Variants in SAMD5 observed in about 807,000 individuals in gnomAD.
SAMD5 encodes sterile alpha motif domain containing 5.
In SAMD5, 13 loss-of-function variants were observed where a neutral mutation model predicts 11.3. That is an observed-to-expected ratio of 1.15 (90% CI 0.75 to 1.83). SAMD5 has a LOEUF of 1.83. SAMD5 is among the 40% of genes most tolerant of loss of function. The pLI is 0.00. For synonymous variants in SAMD5, 129 were observed against 111.3 expected (o/e 1.16, Z -1.00); for missense variants, 255 against 239.1 (o/e 1.07, Z -0.44).
At chr6:147,551,209 C>T (rs35130572) in intron 1 of SAMD5, among the ~76,000 whole-genome samples, 1 of 152,160 alleles carries the variant, frequency 6.6e-6, no homozygotes. Context: ...CTCATAGTGT[C>T]TAGGCTCTGT....
chr6:147,628,785 C>T (rs1790096684), intron 1 of SAMD5, among the ~76,000 whole-genome samples: 1 of 152,150 alleles, frequency 6.6e-6, no homozygotes, highest in Admixed American at 6.5e-5. Flanking sequence ...TCATCATTCT[C>T]TGTGGAGAAC....
chr6:147,691,995 C>CACACA lies in SAMD5; in HGVS notation c.163-45322_163-45321insACACA, dbSNP rs34208483. Reference sequence around the variant, plus strand: ...ATGTGACACACACACACACACACACCCCCCTGATTGAGTGCCAGGTACTAA... The same window carrying CACACA: ...ATGTGACACACACACACACACACACCACACACCCCTGATTGAGTGCCAGGTACTAA... On this transcript the variant is annotated intron_variant, in intron 1 of 1. Coordinates refer to the SAMD5 transcript ENST00000566741. Among the ~76,000 whole-genome samples the CACACA allele has an allele frequency of 4.7e-3, 698 of 148,868 alleles. 2 individuals carry two copies. The highest frequency in any genetic ancestry group is 0.017 in the African/African-American group (665 of 40,084).
intron 1 of SAMD5, among the ~76,000 whole-genome samples, chr6:147,537,237 C>G (rs1268890072): frequency 6.6e-6 from 1 of 152,120 alleles, no homozygotes; most frequent in Non-Finnish European, 1.5e-5. Flanking sequence ...ACAATGCTTT[C>G]TGTTTGATTT....
the SAMD5 span, among the ~76,000 whole-genome samples, chr6:147,770,274 A>G: frequency 7.3e-4 from 111 of 152,282 alleles, 1 homozygote; most frequent in South Asian, 5.8e-3. Flanking sequence ...AAAAAAATCT[A>G]GTGTCGATTT....
the SAMD5 span, among the ~76,000 whole-genome samples, chr6:147,860,602 C>A: frequency 2.6e-5 from 4 of 152,172 alleles, no homozygotes; most frequent in Admixed American, 2.6e-4. Flanking sequence ...CCAGCAAGAG[C>A]CTTAGGAGCT....
the SAMD5 span, among the ~76,000 whole-genome samples, chr6:147,832,929 T>C: frequency 2.0e-5 from 3 of 152,268 alleles, no homozygotes; most frequent in African/African-American, 7.2e-5. Flanking sequence ...TCTCAGATAA[T>C]GTTCTCTTGA....
At chr6:147,522,799 A>G (rs618181) in intron 1 of SAMD5, among the ~76,000 whole-genome samples, 64,187 of 152,022 alleles carry the variant, frequency 0.42, 14,526 homozygotes, top group African/African-American at 0.59. Flanking sequence ...ATGAGGCAGC[A>G]ATAGAAGTGG....
At chr6:147,663,304 T>A (rs763714540) in intron 1 of SAMD5, among the ~76,000 whole-genome samples, 70 of 151,942 alleles carry the variant, frequency 4.6e-4, no homozygotes, top group Admixed American at 1.6e-3. Context: ...ACTAACACAC[T>A]CTGAGGCCTT....
At chr6:147,937,808 C>A in the SAMD5 span, among the ~76,000 whole-genome samples, 1 of 151,968 alleles carries the variant, frequency 6.6e-6, no homozygotes, top group Admixed American at 6.6e-5. Context: ...TGTCATATAT[C>A]TTTTTTTTAA....
the SAMD5 span, among the ~76,000 whole-genome samples, chr6:147,858,007 G>A: frequency 6.6e-6 from 1 of 152,076 alleles, no homozygotes; most frequent in African/African-American, 2.4e-5. Context: ...ATATGCCTAG[G>A]GCAAACTTTT....
At chr6:147,741,115 G>T (rs1350568622), downstream of SAMD5, among the ~76,000 whole-genome samples, 1 of 152,240 alleles carries the variant, frequency 6.6e-6, no homozygotes, top group East Asian at 1.9e-4. Flanking sequence ...CATGGGTTGG[G>T]TCAAAGTCCT....
the SAMD5 span, among the ~76,000 whole-genome samples, chr6:147,877,919 C>CTAGATAGA: frequency 3.7e-4 from 39 of 106,428 alleles, 1 homozygote; most frequent in East Asian, 5.1e-3. Flanking sequence ...AGCTAGCTAG[C>CTAGATAGA]TAGCTAGATA....
intron 1 of SAMD5, among the ~76,000 whole-genome samples, chr6:147,690,554 C>A (rs1433594747): frequency 1.3e-5 from 2 of 152,174 alleles, no homozygotes; most frequent in East Asian, 3.9e-4. Context: ...GAGGCAGAGG[C>A]ACGAGAATCA....
intron 1 of SAMD5, among the ~76,000 whole-genome samples, chr6:147,668,583 C>T (rs756303648): frequency 4.1e-4 from 63 of 152,190 alleles, no homozygotes; most frequent in Non-Finnish European, 6.6e-4. Flanking sequence ...GTGGCTCACA[C>T]CTGTAATCCC....
chr6:147,853,712 G>T, the SAMD5 span, among the ~76,000 whole-genome samples: 1 of 151,024 alleles, frequency 6.6e-6, no homozygotes, highest in Non-Finnish European at 1.5e-5. Context: ...ACTTTGCTCT[G>T]TTGGATATGT....
chr6:147,841,833 A>T, the SAMD5 span, among the ~76,000 whole-genome samples: 2 of 152,200 alleles, frequency 1.3e-5, no homozygotes, highest in Non-Finnish European at 2.9e-5. Context: ...AGGCAATTTC[A>T]TGTGGAAGCT....
At chr6:147,548,069 C>T (rs1175946234) in intron 1 of SAMD5, among the ~76,000 whole-genome samples, 1 of 151,970 alleles carries the variant, frequency 6.6e-6, no homozygotes, top group Admixed American at 6.6e-5. Flanking sequence ...AAATTAAGAA[C>T]AGCACTCATA....
intron 1 of SAMD5, among the ~76,000 whole-genome samples, chr6:147,630,971 T>A (rs543367378): frequency 2.0e-4 from 30 of 152,176 alleles, no homozygotes; most frequent in Non-Finnish European, 4.0e-4. Flanking sequence ...TTCAGAGGTG[T>A]CTGATCACCG....
At chr6:147,619,960 G>T (rs1456380193) in intron 1 of SAMD5, among the ~76,000 whole-genome samples, 1 of 152,152 alleles carries the variant, frequency 6.6e-6, no homozygotes, top group Non-Finnish European at 1.5e-5. Flanking sequence ...CTTCTTTTAT[G>T]GTTAATGACT....
Sources: allele counts gnomAD v4.1 joint callset (sites outside exome capture counted in the v4.1 genomes callset), GRCh38; gene constraint gnomAD v4.1.1; transcripts MANE v1.5; gene names NCBI Gene and HGNC (gene_info 2026-07-23, HGNC 2026-07-21).